Variants in CNTNAP2 observed in about 807,000 individuals in gnomAD.
CNTNAP2 encodes the protein contactin-associated protein-like 2.
Under a neutral mutation model 155.2 loss-of-function variants are expected in CNTNAP2, and 98 were observed. That is an observed-to-expected ratio of 0.63 (90% CI 0.54 to 0.75). CNTNAP2 has a LOEUF of 0.75. CNTNAP2 is among the 30% of genes least tolerant of loss of function. The pLI, the probability that CNTNAP2 is intolerant of heterozygous loss-of-function variation, is 0.00. For synonymous variants in CNTNAP2, 651 were observed against 631.2 expected (o/e 1.03, Z -0.47); for missense variants, 1,727 against 1,688.1 (o/e 1.02, Z -0.40).
intron 3 of CNTNAP2, among the ~76,000 whole-genome samples, chr7:146,936,017 A>G (rs574962580): frequency 1.3e-5 from 2 of 152,278 alleles, no homozygotes; most frequent in African/African-American, 4.8e-5. Context: ...TCTCTCTTCA[A>G]CAGAAATGAC....
chr7:146,525,258 C>G (rs1797671606), intron 1 of CNTNAP2, among the ~76,000 whole-genome samples: 1 of 152,030 alleles, frequency 6.6e-6, no homozygotes, highest in Admixed American at 6.6e-5. Flanking sequence ...CACTAATTGT[C>G]AGAGAAAGAA....
intron 3 of CNTNAP2, among the ~76,000 whole-genome samples, chr7:146,985,308 A>ATTTTTTTTTTTTTTT (rs71165057): frequency 3.9e-5 from 5 of 127,826 alleles, no homozygotes; most frequent in African/African-American, 1.6e-4. Context: ...AAATGCTTGA[A>ATTTTTTTTTTTTTTT]TTTTTTTTTT....
chr7:147,522,843 T>G (rs1199727786), intron 11 of CNTNAP2, among the ~76,000 whole-genome samples: 1 of 150,784 alleles, frequency 6.6e-6, no homozygotes, highest in Non-Finnish European at 1.5e-5. Flanking sequence ...GAAAAAAATA[T>G]TACTCTGCCT....
At chr7:147,103,743 A>G (rs1438957701) in intron 4 of CNTNAP2, among the ~76,000 whole-genome samples, 1 of 151,840 alleles carries the variant, frequency 6.6e-6, no homozygotes, top group Non-Finnish European at 1.5e-5. Flanking sequence ...ATTATTATAT[A>G]ATTGAAAAAT....
chr7:147,791,718 T>C (rs1797822885), intron 13 of CNTNAP2, among the ~76,000 whole-genome samples: 1 of 152,150 alleles, frequency 6.6e-6, no homozygotes, highest in Non-Finnish European at 1.5e-5. Flanking sequence ...GAAAACTCCC[T>C]GTGAAGCTGT....
At chr7:146,997,775 T>C (rs1187048299) in intron 3 of CNTNAP2, among the ~76,000 whole-genome samples, 4 of 152,122 alleles carry the variant, frequency 2.6e-5, no homozygotes, top group East Asian at 3.8e-4. Context: ...AATTCAATCT[T>C]GGTAAGTTGT....
At chr7:146,750,827 A>G (rs954761842) in intron 1 of CNTNAP2, among the ~76,000 whole-genome samples, 1 of 152,194 alleles carries the variant, frequency 6.6e-6, no homozygotes, top group African/African-American at 2.4e-5. Flanking sequence ...GAAATTAAAT[A>G]GCAAAAATTT....
intron 1 of CNTNAP2, among the ~76,000 whole-genome samples, chr7:146,487,117 A>C (rs559414967): frequency 6.6e-6 from 1 of 152,212 alleles, no homozygotes; most frequent in Non-Finnish European, 1.5e-5. Context: ...CTTAATACGT[A>C]TAAGTCATGA....
chr7:146,240,602 T>C (rs1799545141), intron 1 of CNTNAP2, among the ~76,000 whole-genome samples: 1 of 151,850 alleles, frequency 6.6e-6, no homozygotes, highest in Non-Finnish European at 1.5e-5. Flanking sequence ...ATTATATATC[T>C]ATATTATCAC....
chr7:146,561,149 A>G (rs1798273828), intron 1 of CNTNAP2, among the ~76,000 whole-genome samples: 1 of 152,160 alleles, frequency 6.6e-6, no homozygotes, highest in Non-Finnish European at 1.5e-5. Context: ...TGCCTTCTAC[A>G]TTTCCCTTCC....
rs1381745703 is a variant in CNTNAP2, at chr7:146,947,590, T to G, written c.403-96317T>G. ...ATATATATATACATATATATATATA[T>G]ATATATATGTATATATCTTTCAAAA... On this transcript the variant is annotated intron_variant, in intron 3 of 23. Coordinates refer to ENST00000361727, the MANE Select transcript of CNTNAP2 (RefSeq NM_014141.6). Among the ~76,000 whole-genome samples the G allele has an allele frequency of 1.1e-4, 15 of 141,190 alleles. No individual in the cohort carries two copies. The East Asian group carries it at 3.0e-3, about 29-fold the overall frequency. The allele number at this position is 141,190 out of a possible 152,430, so 92.6% of individuals were successfully genotyped here. A position where few individuals can be genotyped will look rare whatever the true frequency, so the allele number is the denominator to read the frequency against.
chr7:148,275,021 T>C (rs1796848491), intron 21 of CNTNAP2, among the ~76,000 whole-genome samples: 1 of 152,212 alleles, frequency 6.6e-6, no homozygotes, highest in Non-Finnish European at 1.5e-5. Context: ...AGCAAATGTA[T>C]ACTCATCATA....
At chr7:147,405,439 A>T (rs948385718) in intron 10 of CNTNAP2, among the ~76,000 whole-genome samples, 2 of 152,198 alleles carry the variant, frequency 1.3e-5, no homozygotes, top group African/African-American at 4.8e-5. Flanking sequence ...AGACTCATGG[A>T]CATGTACCAT....
At chr7:146,720,297 A>G (rs924918644) in intron 1 of CNTNAP2, among the ~76,000 whole-genome samples, 3 of 152,134 alleles carry the variant, frequency 2.0e-5, no homozygotes, top group African/African-American at 7.2e-5. Context: ...CCTGTAGAGT[A>G]GTACCTCTTT....
intron 10 of CNTNAP2, among the ~76,000 whole-genome samples, chr7:147,418,933 T>C (rs1797243320): frequency 6.6e-6 from 1 of 152,188 alleles, no homozygotes; most frequent in African/African-American, 2.4e-5. Context: ...ATGACCACTG[T>C]GTCTGATAAA....
chr7:146,500,636 G>C (rs994069179), intron 1 of CNTNAP2, among the ~76,000 whole-genome samples: 1 of 152,168 alleles, frequency 6.6e-6, no homozygotes, highest in African/African-American at 2.4e-5. Flanking sequence ...TTTATCCAAA[G>C]ACGTGTCTGT....
intron 1 of CNTNAP2, among the ~76,000 whole-genome samples, chr7:146,371,267 G>A (rs1359876844): frequency 1.3e-5 from 2 of 150,954 alleles, no homozygotes; most frequent in African/African-American, 4.9e-5. Flanking sequence ...ACAACATACA[G>A]TGTTAAAATA....
At chr7:147,090,239 G>A (rs10268697) in intron 4 of CNTNAP2, among the ~76,000 whole-genome samples, 110,238 of 151,974 alleles carry the variant, frequency 0.73, 40,078 homozygotes, top group African/African-American at 0.79. Flanking sequence ...AAATCAATTA[G>A]ACAAATACTT....
At chr7:148,191,649 A>G (rs1795204333) in intron 18 of CNTNAP2, among the ~76,000 whole-genome samples, 1 of 152,016 alleles carries the variant, frequency 6.6e-6, no homozygotes, top group Admixed American at 6.5e-5. Context: ...GTTTCTTCAT[A>G]TGGCAGAAGG....
Sources: allele counts gnomAD v4.1 joint callset (sites outside exome capture counted in the v4.1 genomes callset), GRCh38; gene constraint gnomAD v4.1.1; transcripts MANE v1.5; gene names NCBI Gene and HGNC (gene_info 2026-07-23, HGNC 2026-07-21).